NEK11: variants seen among roughly 807,000 people sequenced by gnomAD.
NEK11 encodes the protein NIMA related kinase 11, also known as serine/threonine-protein kinase Nek11.
A neutral mutation model predicts 80.7 loss-of-function variants in NEK11; 72 were observed. The ratio of observed to expected loss-of-function variants is 0.89; its 90% CI spans 0.74 to 1.08. The LOEUF (loss-of-function observed/expected upper bound fraction) is 1.08, where lower values mean the gene tolerates loss of function less well. NEK11 is among the 50% of genes least tolerant of loss of function. The probability of loss-of-function intolerance (pLI) is 0.00; values close to 1 mark genes in which losing one functional copy is unlikely to be tolerated. For missense variants in NEK11, 764 were observed against 763.6 expected (o/e 1.00, Z -0.01); for synonymous variants, 251 against 260.7 (o/e 0.96, Z 0.36).
chr3:131,110,440 G>C (rs567107843), intron 5 of NEK11, among the ~76,000 whole-genome samples: 59 of 152,094 alleles, frequency 3.9e-4, no homozygotes, highest in Non-Finnish European at 7.2e-4. Flanking sequence ...TTGATATGAA[G>C]TATCTCATAA....
At chr3:131,336,795 G>A (rs1197115813) in intron 17 of NEK11, among the ~76,000 whole-genome samples, 1 of 152,210 alleles carries the variant, frequency 6.6e-6, no homozygotes, top group African/African-American at 2.4e-5. Context: ...GCATCAAAAA[G>A]TGGGTGAAGG....
intron 16 of NEK11, among the ~76,000 whole-genome samples, chr3:131,271,131 A>T (rs776306877): frequency 2.6e-5 from 4 of 152,194 alleles, no homozygotes; most frequent in Non-Finnish European, 4.4e-5. Flanking sequence ...AGTTGCAGTG[A>T]GGGCCGAGGC....
chr3:131,133,004 C>T (rs2084811421), intron 6 of NEK11, among the ~76,000 whole-genome samples, 195 bp downstream of exon 6: 1 of 151,952 alleles, frequency 6.6e-6, no homozygotes, highest in Non-Finnish European at 1.5e-5. Context: ...CCCAACAAAA[C>T]CTAATTGTTT....
intron 6 of NEK11, 139 bp from the exon 7 acceptor site, chr3:131,133,691 A>G: frequency 1.7e-6 from 1 of 579,462 alleles, no homozygotes; most frequent in Non-Finnish European, 3.0e-6. Context: ...TTTAAGATAT[A>G]TTACTTTTCT....
At chr3:131,208,568 T>C (rs1328280690) in intron 14 of NEK11, among the ~76,000 whole-genome samples, 1 of 152,210 alleles carries the variant, frequency 6.6e-6, no homozygotes, top group East Asian at 1.9e-4. Flanking sequence ...ATGGACATTT[T>C]CACGATATTG....
At chr3:131,070,915 C>T (rs1431998618) in intron 3 of NEK11, among the ~76,000 whole-genome samples, 4 of 152,230 alleles carry the variant, frequency 2.6e-5, no homozygotes, top group African/African-American at 9.6e-5. Context: ...GATTGAGGTA[C>T]TTTGATTATC....
chr3:131,212,243 G>C (rs1017601927), intron 14 of NEK11, among the ~76,000 whole-genome samples: 4 of 152,176 alleles, frequency 2.6e-5, no homozygotes, highest in African/African-American at 9.7e-5. Flanking sequence ...AGGTCTGTTG[G>C]AGTTTGCTGG....
intron 4 of NEK11, among the ~76,000 whole-genome samples, chr3:131,081,526 T>C (rs965078723): frequency 6.6e-6 from 1 of 152,146 alleles, no homozygotes; most frequent in African/African-American, 2.4e-5. Context: ...TGAATCTGTG[T>C]GTTTACTCCT....
At chr3:131,290,782 T>A (rs1315417177) in intron 17 of NEK11, among the ~76,000 whole-genome samples, 1 of 152,188 alleles carries the variant, frequency 6.6e-6, no homozygotes, top group East Asian at 1.9e-4. Flanking sequence ...TTTCTTTTTT[T>A]AAAAGGTGTC....
intron 10 of NEK11, 26 bp from the exon 11 acceptor site, chr3:131,162,382 A>C (rs1296527454): frequency 1.2e-6 from 2 of 1,609,902 alleles, no homozygotes; most frequent in African/African-American, 2.7e-5. Context: ...GATGGGCTAT[A>C]TGAGGGGAAT....
chr3:131,292,035 G>A (rs2096549177), intron 17 of NEK11, among the ~76,000 whole-genome samples: 1 of 152,072 alleles, frequency 6.6e-6, no homozygotes, highest in Non-Finnish European at 1.5e-5. Context: ...TTATCTTCTA[G>A]GAGTTTTATA....
chr3:131,048,668 T>C (rs538735961), intron 3 of NEK11, among the ~76,000 whole-genome samples: 5 of 152,296 alleles, frequency 3.3e-5, no homozygotes, highest in South Asian at 2.1e-4. Flanking sequence ...AGCAATCCGC[T>C]TCCTTCAAAG....
chr3:131,165,578 C>T (rs553942983), intron 12 of NEK11, 59 bp downstream of exon 12: 74 of 1,018,440 alleles, frequency 7.3e-5, no homozygotes, highest in Middle Eastern at 2.2e-4. Flanking sequence ...AGATTCATGG[C>T]GATGATTGGG....
chr3:131,047,801 A>G (rs966784013), intron 3 of NEK11, among the ~76,000 whole-genome samples: 4 of 152,192 alleles, frequency 2.6e-5, no homozygotes, highest in African/African-American at 9.6e-5. Flanking sequence ...CTGTGGTAGT[A>G]TAGGAAGGAT....
Position 131,133,910 on chromosome 3 carries a change from C to T in NEK11, c.601C>T (p.Pro201Ser), listed in dbSNP as rs1391280114. 1 of 1,612,134 alleles carries T rather than the reference C, an allele frequency of 6.2e-7. No homozygotes were observed. Among genetic ancestry groups the T allele is most frequent in the Non-Finnish European group, 8.5e-7 (1 of 1,178,896 alleles). The change falls in exon 7 of 18, where the codon CCT becomes TCT. Residue 201 changes from proline (P) to serine (S), a missense_variant. Coordinates refer to ENST00000383366, the MANE Select transcript of NEK11 (RefSeq NM_024800.5). Reference sequence around the variant, plus strand: ...AACTGGAACTCCCCATTATATGAGTCCTGAGGCTCTGAAACACCAAGGCTA... The same window carrying T: ...AACTGGAACTCCCCATTATATGAGTTCTGAGGCTCTGAAACACCAAGGCTA... The part of the protein sequence containing the change: ...TLTGTPHYMS[P>S]EALKHQGYDT...
At chr3:131,276,708 A>G (rs1280015538) in intron 17 of NEK11, among the ~76,000 whole-genome samples, 1 of 152,106 alleles carries the variant, frequency 6.6e-6, no homozygotes, top group Non-Finnish European at 1.5e-5. Context: ...AAATATTTAA[A>G]TGAGTAGCTT....
chr3:131,200,088 A>G (rs901417488), intron 14 of NEK11, among the ~76,000 whole-genome samples: 1 of 152,240 alleles, frequency 6.6e-6, no homozygotes, highest in African/African-American at 2.4e-5. Context: ...CCAAAGATGT[A>G]GAGATTCTTG....
At chr3:131,029,979 C>T (rs2064543427) in intron 3 of NEK11, 101 bp downstream of exon 3, 6 of 1,105,544 alleles carry the variant, frequency 5.4e-6, no homozygotes, top group Non-Finnish European at 8.0e-6. Flanking sequence ...GTGGCTCATG[C>T]CTGTAATCCC....
chr3:131,188,677 C>T (rs1417756718), intron 14 of NEK11, among the ~76,000 whole-genome samples: 1 of 152,146 alleles, frequency 6.6e-6, no homozygotes, highest in Non-Finnish European at 1.5e-5. Flanking sequence ...CTGAGCACCA[C>T]TTTTATCTTT....
Sources: gnomAD v4.1 joint callset for allele counts (sites outside exome capture counted in the v4.1 genomes callset) on GRCh38, gnomAD v4.1.1 for gene constraint, MANE v1.5 for transcripts, NCBI Gene and HGNC (gene_info 2026-07-23, HGNC 2026-07-21) for gene names.